The following ZNF44 variants were observed in gnomAD, a reference collection of about 807,000 sequenced individuals.
ZNF44 encodes the protein zinc finger protein 44, also known as gonadotropin inducible transcription repressor-2.
Under a neutral mutation model 11.7 loss-of-function variants are expected in ZNF44, and 9 were observed. That is an observed-to-expected ratio of 0.77 (90% CI 0.46 to 1.35). The LOEUF (loss-of-function observed/expected upper bound fraction) is 1.35. Among genes scored for constraint, ZNF44 ranks in the 40% most tolerant of loss-of-function variants. The pLI is 0.00. For synonymous variants in ZNF44, 224 were observed against 242.7 expected (o/e 0.92, Z 0.72); for missense variants, 696 against 743.1 (o/e 0.94, Z 0.74).
chr19:12,253,727 C>G (rs181435350), intron 5 of ZNF44, among the ~76,000 whole-genome samples: 20 of 152,062 alleles, frequency 1.3e-4, no homozygotes, highest in African/African-American at 4.6e-4. Flanking sequence ...CGCCTATAAT[C>G]CCAGCACTTT....
chr19:12,250,975 T>C (rs1157171020), intron 5 of ZNF44, among the ~76,000 whole-genome samples: 3 of 152,034 alleles, frequency 2.0e-5, no homozygotes, highest in Non-Finnish European at 4.4e-5. Flanking sequence ...CGTGTAATCC[T>C]AGCACTTTGG....
In ZNF44 at chr19:12,273,496, A is replaced by C. The variant is rs1568444142; in HGVS notation, c.759T>G (p.Tyr253Ter). ...HEKIHTGEKPYECKQCSKAFP... is the reference protein window; with the variant it reads ...HEKIHTGEKP ...AGGCTTTAGAACACTGCTTACATTC[A>C]TACGGTTTCTCCCCAGTGTGTATTT... The change falls in exon 4 of 4, where the codon TAT (tyrosine) becomes TAG (stop). Residue 253 changes from tyrosine to a stop codon, truncating the protein, a stop_gained. Coordinates refer to ENST00000355684, the MANE Select transcript of ZNF44 (RefSeq NM_016264.4). LOFTEE classifies it low-confidence loss of function (END_TRUNC). The C allele has an allele frequency of 1.2e-6, 2 of 1,614,100 alleles. No homozygotes were observed. The highest frequency in any genetic ancestry group is 1.7e-6 in the Non-Finnish European group (2 of 1,180,024).
At chr19:12,284,984 G>A (rs1967668659) in intron 1 of ZNF44, 1 of 719,062 alleles carries the variant, frequency 1.4e-6, no homozygotes, top group Non-Finnish European at 2.5e-6. Flanking sequence ...CCTCAGCCCG[G>A]GGCTGCACTG....
At chr19:12,288,235 TACA>T (rs972492069) in intron 1 of ZNF44, among the ~76,000 whole-genome samples, 17 of 152,212 alleles carry the variant, frequency 1.1e-4, no homozygotes, top group Admixed American at 7.9e-4. Context: ...AATAATTTGC[TACA>T]ACAAGTTGAA....
chr19:12,261,428 G>A (rs958457801), intron 5 of ZNF44, among the ~76,000 whole-genome samples: 1 of 152,226 alleles, frequency 6.6e-6, no homozygotes, highest in Non-Finnish European at 1.5e-5. Context: ...GAGCCCAGGA[G>A]TTCAAGACCA....
chr19:12,227,452 A>G (rs1182725458), intron 3 of ZNF44, among the ~76,000 whole-genome samples: 1 of 152,198 alleles, frequency 6.6e-6, no homozygotes, highest in Non-Finnish European at 1.5e-5. Flanking sequence ...AAATACAAAA[A>G]TTAGCCAGGT....
intron 1 of ZNF44, among the ~76,000 whole-genome samples, chr19:12,294,437 G>C (rs1036634080): frequency 6.6e-6 from 1 of 152,230 alleles, no homozygotes; most frequent in Non-Finnish European, 1.5e-5. Flanking sequence ...CTGAGGGCGC[G>C]GAGCTGCCCA....
downstream of ZNF44, among the ~76,000 whole-genome samples, chr19:12,267,556 G>T (rs2943690): frequency 0.43 from 64,861 of 151,886 alleles, 16,436 homozygotes; most frequent in African/African-American, 0.72. Context: ...TTCCCAAGCT[G>T]GGGAGTCAGA....
intron 2 of ZNF44, among the ~76,000 whole-genome samples, chr19:12,275,327 T>C (rs1967168937): frequency 2.0e-5 from 3 of 152,204 alleles, no homozygotes; most frequent in African/African-American, 7.2e-5. Context: ...AATATAGTTT[T>C]TCTTCCTTAA....
chr19:12,268,175 CACACACA>C (rs1367270338), downstream of ZNF44, among the ~76,000 whole-genome samples: 246 of 143,218 alleles, frequency 1.7e-3, 1 homozygote, highest in African/African-American at 4.9e-3. Flanking sequence ...CACACACACA[CACACACA>C]AGCTCCTTCC....
At chr19:12,275,405 T>C (rs1967172298) in intron 2 of ZNF44, among the ~76,000 whole-genome samples, 1 of 152,164 alleles carries the variant, frequency 6.6e-6, no homozygotes, top group South Asian at 2.1e-4. Flanking sequence ...TCCCAGCACT[T>C]TGGGAGGCCG....
intron 5 of ZNF44, among the ~76,000 whole-genome samples, chr19:12,256,859 C>T (rs1283931749): frequency 2.6e-5 from 4 of 152,008 alleles, no homozygotes; most frequent in African/African-American, 7.2e-5. Flanking sequence ...CGCTCACCAT[C>T]ACACCGGGCA....
At chr19:12,280,892 C>A (rs564653923) in intron 1 of ZNF44, among the ~76,000 whole-genome samples, 2 of 152,080 alleles carry the variant, frequency 1.3e-5, no homozygotes, top group African/African-American at 2.4e-5. Flanking sequence ...CAATCCTACA[C>A]GACATAATAA....
At chr19:12,260,191 C>T in intron 5 of ZNF44, 2 of 769,000 alleles carry the variant, frequency 2.6e-6, no homozygotes, top group Non-Finnish European at 4.8e-6. Flanking sequence ...GAGGACTATG[C>T]CGACCTACAG....
Position 12,292,004 on chromosome 19 carries a change from A to T in ZNF44, c.3+2688T>A, listed in dbSNP as rs374805312. 8.0e-4 allele frequency among the ~76,000 whole-genome samples: 121 copies of T among 151,678 alleles called. 4 individuals carry two copies. The South Asian group carries it at 0.024, about 30-fold the overall frequency. Reference sequence around the variant, plus strand: ...GAAACTCCATCTCAGAAAAAAAAAAAAAAGAAAAGAAAAGAAAAAAAGTTT... The same window carrying T: ...GAAACTCCATCTCAGAAAAAAAAAATAAAGAAAAGAAAAGAAAAAAAGTTT... On this transcript the variant is annotated intron_variant, in intron 1 of 3. Transcript: ENST00000355684.
chr19:12,245,266 T>C (rs1395849557), downstream of ZNF44, among the ~76,000 whole-genome samples: 1 of 152,184 alleles, frequency 6.6e-6, no homozygotes, highest in Non-Finnish European at 1.5e-5. Flanking sequence ...ATAATTGCAA[T>C]GGGATATTTT....
rs753342782 is a variant in ZNF44, at chr19:12,231,706, C to T, written n.381-1191G>A. Among the ~76,000 whole-genome samples the T allele has an allele frequency of 2.8e-4, 43 of 152,100 alleles. 1 individual carries two copies. The highest frequency in any genetic ancestry group is 2.8e-3 in the Admixed American group (42 of 15,266). On this transcript the variant is annotated intron_variant and non_coding_transcript_variant, in intron 2 of 3. Coordinates refer to the ZNF44 transcript ENST00000597563. ...GGAAAAAAACACTGTTAGGAGGAGT[C>T]CATTAAGCATCTAAACAAACAACTA... is the stretch of plus-strand genomic sequence containing the variant.
intron 2 of ZNF44, chr19:12,234,574 A>C (rs1478998218): frequency 6.6e-6 from 1 of 152,186 alleles, no homozygotes. Flanking sequence ...TCATCAAAAT[A>C]CCTCCTTTCC....
chr19:12,277,164 G>C (rs1967263382), intron 1 of ZNF44, among the ~76,000 whole-genome samples: 1 of 152,162 alleles, frequency 6.6e-6, no homozygotes, highest in African/African-American at 2.4e-5. Flanking sequence ...TATTTTTGTT[G>C]TTGTTGTTTT....
Sources: gnomAD v4.1 joint callset for allele counts (sites outside exome capture counted in the v4.1 genomes callset) on GRCh38, gnomAD v4.1.1 for gene constraint, MANE v1.5 for transcripts, NCBI Gene and HGNC (gene_info 2026-07-23, HGNC 2026-07-21) for gene names.